The following BIRC6 variants were observed in gnomAD, a reference collection of about 807,000 sequenced individuals.
BIRC6 encodes the protein baculoviral IAP repeat containing 6, also known as dual E2 ubiquitin-conjugating enzyme/E3 ubiquitin-protein ligase BIRC6.
A neutral mutation model predicts 503.3 loss-of-function variants in BIRC6; 98 were observed. The observed-to-expected ratio is 0.19, with a 90% CI of 0.17 to 0.23. The LOEUF (loss-of-function observed/expected upper bound fraction) is 0.23, where lower values mean the gene tolerates loss of function less well. BIRC6 is among the 10% of genes least tolerant of loss of function. BIRC6 has a pLI of 1.00. For synonymous variants in BIRC6, 2,240 were observed against 2,078.7 expected (o/e 1.08, Z -2.11); for missense variants, 5,360 against 5,806.0 (o/e 0.92, Z 2.50).
Position 32,479,580 on chromosome 2 carries a change from G to A in BIRC6, c.7371G>A (p.Leu2457=), listed in dbSNP as rs746187934. The change falls in exon 37 of 74, where the codon CTG becomes CTA. Residue 2457 remains leucine (L), a synonymous_variant. Transcript: ENST00000421745. The part of the protein sequence containing the change: ...DSLQQSSVQL[L]ETIDEPLTHD... Reference sequence around the variant, plus strand: ...TTCAACAGTCCTCAGTTCAGTTGCTGGAAACTATAGATGAACCTTTGACAC... The same window carrying A: ...TTCAACAGTCCTCAGTTCAGTTGCTAGAAACTATAGATGAACCTTTGACAC... The A allele has an allele frequency of 3.7e-6, 6 of 1,609,428 alleles. No individual in the cohort carries two copies. In the East Asian group the frequency reaches 1.3e-4, roughly 36 times the overall value.
intron 2 of BIRC6, 106 bp downstream of exon 2, chr2:32,377,875 T>C (rs545932284): frequency 1.0e-6 from 1 of 970,730 alleles, no homozygotes; most frequent in East Asian, 2.8e-5. Flanking sequence ...TTATATATAT[T>C]GCTATAAAAA....
intron 23 of BIRC6, among the ~76,000 whole-genome samples, chr2:32,457,531 A>G (rs2047385704): frequency 1.3e-5 from 2 of 152,096 alleles, no homozygotes; most frequent in Admixed American, 1.3e-4. Flanking sequence ...TTCCAGAAGT[A>G]TATGTTTTTT....
chr2:32,396,983 C>T (rs2039969882), intron 6 of BIRC6, among the ~76,000 whole-genome samples: 1 of 152,252 alleles, frequency 6.6e-6, no homozygotes, highest in African/African-American at 2.4e-5. Flanking sequence ...CCACCTCAGC[C>T]TTCCGAAGTG....
At chr2:32,472,539 G>A (rs1232702320) in intron 32 of BIRC6, among the ~76,000 whole-genome samples, 1 of 152,178 alleles carries the variant, frequency 6.6e-6, no homozygotes, top group Non-Finnish European at 1.5e-5. Flanking sequence ...AGGAAAGAGA[G>A]AAAAATGTTT....
Position 32,485,728 on chromosome 2 carries a change from T to C in BIRC6, c.7782T>C (p.Ile2594=). The C allele has an allele frequency of 6.2e-7, 1 of 1,612,792 alleles. No individual in the cohort carries two copies. Among genetic ancestry groups the C allele is most frequent in the Non-Finnish European group, 8.5e-7 (1 of 1,178,852 alleles). ...TGTCTACTCTGGAGGCAGATTCCAT[T>C]TTACAGGCATTAACAAATACATCTC... is the stretch of plus-strand genomic sequence containing the variant. ...KMMSTLEADS[I]LQALTNTSPT... Residue 2594 remains isoleucine, a synonymous_variant, in exon 40 of 74, where the codon ATT becomes ATC. Coordinates refer to ENST00000421745, the MANE Select transcript of BIRC6 (RefSeq NM_016252.4).
chr2:32,465,152 C>T lies in BIRC6; in HGVS notation c.5344C>T (p.Arg1782Ter), dbSNP rs1478448561. ...PPPHQSIIIE[R>*]MHSGARRFVT... is the part of the protein sequence containing the mutation. The stretch of plus-strand genomic sequence containing the variant: ...GCCTCACCAGTCCATTATTATAGAG[C>T]GAATGCATTCAGGTAATCTTTTACT... Residue 1782 changes from arginine (R) to a stop codon, truncating the protein, a stop_gained, in exon 26 of 74, where the codon CGA (arginine) becomes TGA (stop). Coordinates refer to ENST00000421745, the MANE Select transcript of BIRC6 (RefSeq NM_016252.4). LOFTEE classifies it high-confidence loss of function. 1 of 1,537,956 alleles carries T rather than the reference C, an allele frequency of 6.5e-7. No homozygotes were observed. The highest frequency in any genetic ancestry group is 8.8e-7 in the Non-Finnish European group (1 of 1,135,560).
chr2:32,564,540 C>A (rs1252192002), intron 65 of BIRC6: 2 of 152,154 alleles, frequency 1.3e-5, no homozygotes, highest in Non-Finnish European at 2.9e-5. Context: ...AATAATCTTA[C>A]TGGGTGTGAG....
intron 9 of BIRC6, among the ~76,000 whole-genome samples, chr2:32,413,219 T>C (rs1263552543): frequency 2.7e-5 from 4 of 150,436 alleles, no homozygotes; most frequent in Non-Finnish European, 4.4e-5. Context: ...TCACTCTTGT[T>C]GCCCAGGCTG....
At position 32,611,545 on chromosome 2, in the gene BIRC6, T is replaced by C. The variant is rs760458246; in HGVS notation, c.14357T>C (p.Val4786Ala). The change falls in exon 73 of 74, where the codon GTA (valine) becomes GCA (alanine). Residue 4786 changes from valine to alanine, a missense_variant. Val to Ala is a moderately conservative substitution (Grantham distance 64, BLOSUM62 0). This residue lies in a region of BIRC6 where 140 missense variants were observed against 130.2 expected (regional missense o/e 1.07). Coordinates refer to ENST00000421745, the MANE Select transcript of BIRC6 (RefSeq NM_016252.4). Reference protein sequence around the residue: ...DIQQYSSDKRVGRTMSHHAAA... With the variant: ...DIQQYSSDKRAGRTMSHHAAA... ...CAGCAGTACAGCAGTGATAAGCGGG[T>C]AGGCAGGACTATGTCTCACCATGCA... 2.5e-6 allele frequency: 4 copies of C among 1,599,670 alleles called. No individual in the cohort carries two copies. The East Asian group carries it at 9.0e-5, about 36-fold the overall frequency.
At chr2:32,458,176 C>G (rs1302423241) in intron 23 of BIRC6, among the ~76,000 whole-genome samples, 1 of 152,120 alleles carries the variant, frequency 6.6e-6, no homozygotes, top group Non-Finnish European at 1.5e-5. Flanking sequence ...TTTTAAAGGT[C>G]ATTTCTCAAA....
intron 55 of BIRC6, among the ~76,000 whole-genome samples, chr2:32,516,299 A>G (rs1436995243): frequency 6.6e-6 from 1 of 152,168 alleles, no homozygotes; most frequent in East Asian, 1.9e-4. Flanking sequence ...AGATTGCCTG[A>G]GGTCAGGAGT....
intron 65 of BIRC6, among the ~76,000 whole-genome samples, chr2:32,567,441 A>G (rs540566998): frequency 5.3e-5 from 8 of 152,354 alleles, no homozygotes; most frequent in African/African-American, 1.4e-4. Context: ...TATCTGTGCC[A>G]TTCATTAAGG....
chr2:32,542,025 C>T (rs972765009), intron 61 of BIRC6, among the ~76,000 whole-genome samples: 2 of 151,954 alleles, frequency 1.3e-5, no homozygotes, highest in Non-Finnish European at 1.5e-5. Flanking sequence ...GTCTTGTAGT[C>T]TTGCATATGT....
intron 65 of BIRC6, 24 bp downstream of exon 65, chr2:32,549,505 CTG>C: frequency 7.4e-7 from 1 of 1,356,116 alleles, no homozygotes; most frequent in Non-Finnish European, 9.7e-7. Context: ...GTAAATGTGT[CTG>C]TGGATGAATA....
chr2:32,404,402 C>G (rs2040957289), intron 8 of BIRC6, among the ~76,000 whole-genome samples: 1 of 151,810 alleles, frequency 6.6e-6, no homozygotes, highest in Non-Finnish European at 1.5e-5. Flanking sequence ...ACTGCAATCT[C>G]TGCCTCCCAG....
Position 32,439,527 on chromosome 2 carries a change from T to C in BIRC6, c.3651T>C (p.Tyr1217=), listed in dbSNP as rs764424651. ...KLVKGMAGGK[Y]RSFLIHVKAV... is the part of the protein sequence containing the mutation. ...CTCTAGGTATGGCAGGAGGAAAATA[T>C]CGTTCGTTTTTAATCCATGTCAAGG... Residue 1217 remains tyrosine (Y), a synonymous_variant, in exon 16 of 74, where the codon TAT becomes TAC. Coordinates refer to ENST00000421745, the MANE Select transcript of BIRC6 (RefSeq NM_016252.4). 24 of 1,613,440 alleles carry C rather than the reference T, an allele frequency of 1.5e-5. No individual in the cohort carries two copies. The highest frequency in any genetic ancestry group is 6.7e-5 in the East Asian group (3 of 44,860).
In BIRC6 at chr2:32,445,554, A is replaced by T; in HGVS notation, c.4370A>T (p.Tyr1457Phe). 6.2e-7 allele frequency: 1 copy of T among 1,600,224 alleles called. No individual in the cohort carries two copies. ...SVYWYFVLLN[Y>F]VKDEDLAGCS... ...TATTGGTATTTTGTCTTACTGAATT[A>T]TGTGAAAGATGAAGATCTGGCTGGA... The change falls in exon 21 of 74, where the codon TAT (tyrosine) becomes TTT (phenylalanine). Residue 1457 changes from tyrosine to phenylalanine, a missense_variant. Tyr to Phe is a conservative substitution (Grantham distance 22). Coordinates refer to ENST00000421745, the MANE Select transcript of BIRC6 (RefSeq NM_016252.4).
chr2:32,426,336 C>T (rs1558690961), intron 10 of BIRC6, among the ~76,000 whole-genome samples: 2 of 152,178 alleles, frequency 1.3e-5, no homozygotes, highest in African/African-American at 4.8e-5. Context: ...GGTGTGGTGG[C>T]TTACGCCTGT....
chr2:32,365,451 T>C lies in BIRC6; in HGVS notation c.325+7965T>C, dbSNP rs1038973184. Among the ~76,000 whole-genome samples, 54 of 151,810 alleles carry C rather than the reference T, an allele frequency of 3.6e-4. 1 individual carries two copies. Among genetic ancestry groups the C allele is most frequent in the African/African-American group, 1.3e-3 (52 of 41,344 alleles). Reference sequence around the variant, plus strand: ...TCTCCTGCCTCAGCCTCCTGAATAGTTGGGATTACAGGCGTGCGCCTGCAC... The same window carrying C: ...TCTCCTGCCTCAGCCTCCTGAATAGCTGGGATTACAGGCGTGCGCCTGCAC... On this transcript the variant is annotated intron_variant, in intron 1 of 73. Transcript: ENST00000421745.
Sources: allele counts gnomAD v4.1 joint callset (sites outside exome capture counted in the v4.1 genomes callset), GRCh38; gene constraint gnomAD v4.1.1; regional missense constraint gnomAD v4.1.1; transcripts MANE v1.5; gene names NCBI Gene and HGNC (gene_info 2026-07-23, HGNC 2026-07-21).